The following LGSN variants were observed in gnomAD, a reference collection of about 807,000 sequenced individuals.
LGSN encodes lengsin.
Under a neutral mutation model 19.5 loss-of-function variants are expected in LGSN, and 21 were observed. The ratio of observed to expected loss-of-function variants is 1.07; its 90% CI spans 0.76 to 1.55. The LOEUF (loss-of-function observed/expected upper bound fraction) is 1.55, where lower values mean the gene tolerates loss of function less well. LGSN is among the 40% of genes most tolerant of loss of function. LGSN has a pLI of 0.00. For synonymous variants in LGSN, 257 were observed against 215.6 expected, an observed-to-expected ratio of 1.19 and a Z score of -1.68; for missense variants, 673 against 608.5, an observed-to-expected ratio of 1.11 and a Z score of -1.12.
the LGSN span, among the ~76,000 whole-genome samples, chr6:63,390,479 T>C: frequency 6.6e-6 from 1 of 152,006 alleles, no homozygotes; most frequent in Non-Finnish European, 1.5e-5. Context: ...GCATGACCTA[T>C]TGCCAAATTC....
chr6:63,373,864 G>T, the LGSN span, among the ~76,000 whole-genome samples: 1 of 151,842 alleles, frequency 6.6e-6, no homozygotes, highest in Non-Finnish European at 1.5e-5. Context: ...GAACCCAGGA[G>T]CTGGAGGTTG....
the LGSN span, among the ~76,000 whole-genome samples, chr6:63,524,431 C>T: frequency 6.6e-6 from 1 of 152,078 alleles, no homozygotes; most frequent in Non-Finnish European, 1.5e-5. Context: ...TCTAAGAGGA[C>T]ATCAATTTGG....
chr6:63,369,177 A>G, the LGSN span, among the ~76,000 whole-genome samples: 3 of 152,242 alleles, frequency 2.0e-5, no homozygotes, highest in Non-Finnish European at 4.4e-5. Flanking sequence ...ACATCCATCC[A>G]GCATGATCTG....
At chr6:63,453,544 A>AT in the LGSN span, among the ~76,000 whole-genome samples, 15 of 150,958 alleles carry the variant, frequency 9.9e-5, no homozygotes, top group Non-Finnish European at 2.1e-4. Context: ...CCCTGGTAAT[A>AT]TTTTTTATCA....
the LGSN span, among the ~76,000 whole-genome samples, chr6:63,407,297 C>T: frequency 6.6e-6 from 1 of 151,966 alleles, no homozygotes; most frequent in East Asian, 1.9e-4. Context: ...ACTGGCAAAC[C>T]AAATCCAGCA....
At chr6:63,553,070 C>T in the LGSN span, among the ~76,000 whole-genome samples, 12 of 152,254 alleles carry the variant, frequency 7.9e-5, no homozygotes, top group Admixed American at 7.2e-4. Context: ...TTTAACTTGT[C>T]ACCAGTTGCA....
the LGSN span, among the ~76,000 whole-genome samples, chr6:63,570,468 A>G: frequency 6.8e-4 from 104 of 152,272 alleles, no homozygotes; most frequent in Middle Eastern, 3.4e-3. Context: ...GCCACTTGAG[A>G]ATTTGAGAGC....
At chr6:63,378,010 G>A in the LGSN span, among the ~76,000 whole-genome samples, 1 of 146,898 alleles carries the variant, frequency 6.8e-6, no homozygotes, top group Non-Finnish European at 1.5e-5. Flanking sequence ...TAGTGGTCTA[G>A]GTAGAAGATT....
the LGSN span, among the ~76,000 whole-genome samples, chr6:63,397,292 T>C: frequency 6.6e-6 from 1 of 152,214 alleles, no homozygotes; most frequent in South Asian, 2.1e-4. Context: ...CTTTGGCTAA[T>C]ACAAAGGGAG....
intron 3 of LGSN, among the ~76,000 whole-genome samples, chr6:63,283,955 G>C (rs546532650): frequency 7.2e-4 from 110 of 152,012 alleles, no homozygotes; most frequent in African/African-American, 2.4e-3. Context: ...CGGCCTCAGC[G>C]TCCCAAAGTG....
At chr6:63,522,696 T>C in the LGSN span, among the ~76,000 whole-genome samples, 2 of 152,172 alleles carry the variant, frequency 1.3e-5, no homozygotes, top group African/African-American at 4.8e-5. Context: ...GGGATTCCTA[T>C]TGCTCATATG....
the LGSN span, among the ~76,000 whole-genome samples, chr6:63,403,101 CAGAGAG>C: frequency 8.7e-5 from 13 of 148,860 alleles, no homozygotes; most frequent in Admixed American, 8.1e-4. Context: ...GAGAGAGAGA[CAGAGAG>C]AGAGAGAGAG....
At chr6:63,493,919 C>T in the LGSN span, among the ~76,000 whole-genome samples, 2 of 151,726 alleles carry the variant, frequency 1.3e-5, no homozygotes, top group African/African-American at 4.8e-5. Context: ...ATCTCAGGTG[C>T]CCTTGGAACA....
At chr6:63,532,657 A>T in the LGSN span, among the ~76,000 whole-genome samples, 1 of 152,224 alleles carries the variant, frequency 6.6e-6, no homozygotes, top group Admixed American at 6.5e-5. Context: ...AAGAGCAAGT[A>T]TGATGGAGGG....
At chr6:63,373,848 TG>T in the LGSN span, among the ~76,000 whole-genome samples, 1 of 151,120 alleles carries the variant, frequency 6.6e-6, no homozygotes, top group Non-Finnish European at 1.5e-5. Flanking sequence ...GGCACGAGAA[TG>T]GCTTGAACCC....
chr6:63,564,123 A>G, the LGSN span, among the ~76,000 whole-genome samples: 1,774 of 152,126 alleles, frequency 0.012, 28 homozygotes, highest in African/African-American at 0.04. Context: ...AAAAATACAA[A>G]AATTAGCCGG....
At chr6:63,543,270 T>C in the LGSN span, among the ~76,000 whole-genome samples, 1 of 152,340 alleles carries the variant, frequency 6.6e-6, no homozygotes, top group Admixed American at 6.5e-5. Context: ...TCTGTGATCA[T>C]TCAGACGTCA....
chr6:63,280,896 A>G lies in LGSN; in HGVS notation c.655T>C (p.Leu219=). ...GGAAAAGATATAATCTTTGAATTTA[A>G]AATTTCGGGCACACCAAAAATGCAA... The part of the protein sequence containing the change: ...DFCIFGVPEI[L]NSKIISFPAL... Residue 219 remains leucine (L), a synonymous_variant, in exon 4 of 4, where the codon TTA becomes CTA. Transcript: ENST00000370657. The G allele has an allele frequency of 6.2e-7, 1 of 1,614,074 alleles. No homozygotes were observed. Among genetic ancestry groups the G allele is most frequent in the Non-Finnish European group, 8.5e-7 (1 of 1,180,026 alleles).
the LGSN span, among the ~76,000 whole-genome samples, chr6:63,350,590 G>A: frequency 3.9e-5 from 6 of 152,254 alleles, no homozygotes; most frequent in East Asian, 3.9e-4. Context: ...GGTGGCTCAC[G>A]CCTATAATCC....
Sources: allele counts gnomAD v4.1 joint callset (sites outside exome capture counted in the v4.1 genomes callset), GRCh38; gene constraint gnomAD v4.1.1; transcripts MANE v1.5; gene names NCBI Gene and HGNC (gene_info 2026-07-23, HGNC 2026-07-21).